NNMT: variants seen among roughly 807,000 people sequenced by gnomAD.
NNMT encodes the protein nicotinamide N-methyltransferase.
Under a neutral mutation model 11.7 loss-of-function variants are expected in NNMT, and 10 were observed. The observed-to-expected ratio is 0.85, with a 90% CI of 0.53 to 1.45. The LOEUF is 1.45. Among genes scored for constraint, NNMT ranks in the 40% most tolerant of loss-of-function variants. The pLI, the probability that NNMT is intolerant of heterozygous loss-of-function variation, is 0.00. For missense variants in NNMT, 381 were observed against 319.4 expected (o/e 1.19, Z -1.47); for synonymous variants, 143 against 133.8 (o/e 1.07, Z -0.48).
intron 2 of NNMT, among the ~76,000 whole-genome samples, chr11:114,280,508 C>T (rs1292253407): frequency 6.6e-6 from 1 of 152,150 alleles, no homozygotes. Flanking sequence ...CCTGTCTGCC[C>T]GCCCTGCCCC....
At chr11:114,297,076 A>AAAGACCTCCCAAT (rs1180820058) in intron 1 of NNMT, among the ~76,000 whole-genome samples, 2 of 152,232 alleles carry the variant, frequency 1.3e-5, no homozygotes, top group Non-Finnish European at 2.9e-5. Flanking sequence ...TGCATGAGAT[A>AAAGACCTCCCAAT]AAGACCTCCC....
chr11:114,257,875 GGAGGT>G lies in NNMT; in HGVS notation c.-217+1_-217+5del, dbSNP rs1274648765. The G allele has an allele frequency of 1.3e-5, 2 of 153,068 alleles. No homozygotes were observed. The highest frequency in any genetic ancestry group is 4.8e-5 in the African/African-American group (2 of 41,478). 9.5% of individuals were successfully genotyped at this position (153,068 alleles called of 1,614,324 possible). A position where few individuals can be genotyped will look rare whatever the true frequency, so the allele number is the denominator to read the frequency against. On this transcript the variant is annotated splice_donor_variant and 5_prime_UTR_variant, in exon 1 of 5. Transcript: ENST00000535401. LOFTEE classifies it low-confidence loss of function (5UTR_SPLICE). ...GCGGCGGCGCGGGCGCTGGGGGAGA[GGAGGT>G]GAGTGAATAGGGGCTGGGCTGAATG...
At chr11:114,276,664 G>T (rs1482083318) in intron 2 of NNMT, among the ~76,000 whole-genome samples, 2 of 152,184 alleles carry the variant, frequency 1.3e-5, no homozygotes. Flanking sequence ...CTTGTTTCAA[G>T]GGCTCTGCAG....
Position 114,296,703 on chromosome 11 carries a change from C to A in NNMT, c.147C>A (p.Phe49Leu), listed in dbSNP as rs750175034. The change falls in exon 1 of 3, where the codon TTC becomes TTA. Residue 49 changes from phenylalanine to leucine, a missense_variant. Coordinates refer to ENST00000299964, the MANE Select transcript of NNMT (RefSeq NM_006169.3). ...TTCTGAAAAATCTTTTCAAGATATT[C>A]TGCCTAGGTAAGTCTGTTGTCTGCA... is the stretch of plus-strand genomic sequence containing the variant. ...KHLLKNLFKI[F>L]CLDGVKGDLL... is the part of the protein sequence containing the mutation. 4 of 1,614,034 alleles carry A rather than the reference C, an allele frequency of 2.5e-6. No individual in the cohort carries two copies. The highest frequency in any genetic ancestry group is 2.2e-5 in the South Asian group (2 of 91,080).
chr11:114,296,789 C>T, intron 1 of NNMT, 79 bp downstream of exon 1: 1 of 1,430,184 alleles, frequency 7.0e-7, no homozygotes, highest in Non-Finnish European at 9.7e-7. Flanking sequence ...GGTTTTGTGT[C>T]TCTCGTTGTT....
At chr11:114,309,659 A>C (rs1311242264) in intron 2 of NNMT, among the ~76,000 whole-genome samples, 1 of 152,170 alleles carries the variant, frequency 6.6e-6, no homozygotes. Flanking sequence ...CACCCATTTA[A>C]ATTGCGAAAT....
At chr11:114,293,783 G>A (rs961594848), upstream of NNMT, among the ~76,000 whole-genome samples, 1 of 151,914 alleles carries the variant, frequency 6.6e-6, no homozygotes, top group African/African-American at 2.4e-5. Context: ...CCTATTGCCA[G>A]GTATATACCC....
At chr11:114,269,116 AAGTGCTAG>A (rs1442463895) in intron 2 of NNMT, among the ~76,000 whole-genome samples, 7 of 152,210 alleles carry the variant, frequency 4.6e-5, no homozygotes, top group African/African-American at 1.7e-4. Context: ...CACATTGTGT[AAGTGCTAG>A]AGCCAGATTT....
intron 2 of NNMT, among the ~76,000 whole-genome samples, chr11:114,284,398 G>A (rs1591831305): frequency 6.6e-6 from 1 of 152,304 alleles, no homozygotes; most frequent in East Asian, 1.9e-4. Context: ...CTCAGGAATT[G>A]CTTTCCTTTC....
At chr11:114,302,173 A>G (rs562043243) in intron 2 of NNMT, among the ~76,000 whole-genome samples, 1 of 152,146 alleles carries the variant, frequency 6.6e-6, no homozygotes, top group Non-Finnish European at 1.5e-5. Flanking sequence ...TACAGGGTTG[A>G]ATTTAAATCT....
intron 2 of NNMT, among the ~76,000 whole-genome samples, chr11:114,275,752 G>T (rs1357128206): frequency 6.6e-6 from 1 of 152,126 alleles, no homozygotes; most frequent in Non-Finnish European, 1.5e-5. Flanking sequence ...GTGTATAGGG[G>T]TTATGGTTAT....
At chr11:114,284,532 T>C (rs1031899523) in intron 2 of NNMT, among the ~76,000 whole-genome samples, 4 of 151,882 alleles carry the variant, frequency 2.6e-5, no homozygotes, top group East Asian at 1.9e-4. Flanking sequence ...GGTGCTATCT[T>C]GGCTCACTGC....
chr11:114,300,069 C>A (rs889028151), intron 2 of NNMT, among the ~76,000 whole-genome samples: 1 of 151,392 alleles, frequency 6.6e-6, no homozygotes, highest in Non-Finnish European at 1.5e-5. Context: ...AATTTTAATT[C>A]TTTTCTAGTT....
intron 1 of NNMT, among the ~76,000 whole-genome samples, chr11:114,259,822 A>G (rs1945062303): frequency 6.6e-6 from 1 of 152,108 alleles, no homozygotes; most frequent in Non-Finnish European, 1.5e-5. Flanking sequence ...TTTACTGACT[A>G]CATTAATAGC....
rs377197321 is a variant in NNMT at position 114,290,191 on chromosome 11, T to C, written c.-129-6237T>C. 1.5e-4 allele frequency among the ~76,000 whole-genome samples: 23 copies of C among 152,342 alleles called. 2 individuals are homozygous for C. The highest frequency in any genetic ancestry group is 8.5e-4 in the Admixed American group (13 of 15,304). On this transcript the variant is annotated intron_variant, in intron 2 of 4. Coordinates refer to the NNMT transcript ENST00000535401. ...TAGCAGTGGGTGTTTGGGTGCATTATGTTGTATATGTCCATTAAATCAAGT... is the reference window on the plus strand; with the variant it reads ...TAGCAGTGGGTGTTTGGGTGCATTACGTTGTATATGTCCATTAAATCAAGT...
rs752070121 is a variant in NNMT, at chr11:114,312,476, G to T, written c.794G>T (p.Ter265LeuextTer3). 1 of 1,611,418 alleles carries T rather than the reference G, an allele frequency of 6.2e-7. No individual in the cohort carries two copies. Among genetic ancestry groups the T allele is most frequent in the Non-Finnish European group, 8.5e-7 (1 of 1,178,420 alleles). Residue 265 changes from the stop codon to leucine (L), a stop_lost, in exon 3 of 3, where the codon TGA becomes TTA. Coordinates refer to ENST00000299964, the MANE Select transcript of NNMT (RefSeq NM_006169.3). ...GCGAGGAAGCTGAGCAGACCCCTGT[G>T]ATGCCTGTGACCTCAATTAAAGCAA... ...LVARKLSRPL[*>L] is the part of the protein sequence containing the mutation.
Position 114,277,273 on chromosome 11 carries a change from C to G in NNMT, c.-130+14339C>G, listed in dbSNP as rs114826461. ...AAAAGAAAAGAAAGAAAGAAATGGA[C>G]ATAATAATACCTATCCCCAGGGTTA... On this transcript the variant is annotated intron_variant, in intron 2 of 4. Coordinates refer to the NNMT transcript ENST00000535401. Among the ~76,000 whole-genome samples the G allele has an allele frequency of 5.4e-3, 816 of 152,114 alleles. 9 individuals carry two copies. The highest frequency in any genetic ancestry group is 0.018 in the African/African-American group (729 of 41,510).
chr11:114,259,666 C>T (rs918550417), intron 1 of NNMT, among the ~76,000 whole-genome samples: 7 of 151,854 alleles, frequency 4.6e-5, no homozygotes, highest in Admixed American at 6.6e-5. Flanking sequence ...CTCCAGGCTG[C>T]GTTTTCTGCA....
chr11:114,303,332 T>G (rs1237255884), intron 2 of NNMT, among the ~76,000 whole-genome samples: 1 of 152,190 alleles, frequency 6.6e-6, no homozygotes, highest in Non-Finnish European at 1.5e-5. Context: ...ATAACCAAAG[T>G]CCCCTGGCAT....
Sources: gnomAD v4.1 joint callset for allele counts (sites outside exome capture counted in the v4.1 genomes callset) on GRCh38, gnomAD v4.1.1 for gene constraint, MANE v1.5 for transcripts, NCBI Gene and HGNC (gene_info 2026-07-23, HGNC 2026-07-21) for gene names.